Variants in MED27 observed in about 807,000 individuals in gnomAD.
The protein encoded by MED27 is mediator of RNA polymerase II transcription subunit 27.
A neutral mutation model predicts 38.2 loss-of-function variants in MED27; 30 were observed. That is an observed-to-expected ratio of 0.79 (90% CI 0.59 to 1.07). The LOEUF (loss-of-function observed/expected upper bound fraction) is 1.07, where lower values mean the gene tolerates loss of function less well. Among genes scored for constraint, MED27 ranks in the 50% least tolerant of loss-of-function variants. MED27 has a pLI of 0.00. For synonymous variants in MED27, 122 were observed against 153.5 expected (o/e 0.79, Z 1.52); for missense variants, 289 against 397.5 (o/e 0.73, Z 2.32).
At chr9:132,077,628 T>C in intron 1 of MED27, 42 bp from the exon 2 acceptor site, 1 of 1,611,132 alleles carries the variant, frequency 6.2e-7, no homozygotes, top group Middle Eastern at 1.7e-4. Flanking sequence ...TAAGCCCATT[T>C]ACACTCCAGG....
At chr9:132,041,735 CA>C (rs1264123604) in intron 2 of MED27, among the ~76,000 whole-genome samples, 2 of 152,138 alleles carry the variant, frequency 1.3e-5, no homozygotes, top group African/African-American at 2.4e-5. Context: ...TCTTAAGGGC[CA>C]AAGTCCAAAT....
intron 3 of MED27, among the ~76,000 whole-genome samples, chr9:131,975,780 G>A (rs1391772417): frequency 6.6e-6 from 1 of 152,198 alleles, no homozygotes; most frequent in East Asian, 1.9e-4. Flanking sequence ...GCAAAGAACA[G>A]GAACCCACTA....
At chr9:132,074,496 C>T (rs1589306168) in intron 2 of MED27, among the ~76,000 whole-genome samples, 2 of 152,268 alleles carry the variant, frequency 1.3e-5, no homozygotes, top group Non-Finnish European at 2.9e-5. Flanking sequence ...GGCAAGTTAC[C>T]CCAAACTTCA....
intron 3 of MED27, among the ~76,000 whole-genome samples, chr9:131,960,791 AGAGAT>A (rs1831199931): frequency 2.0e-5 from 3 of 152,204 alleles, no homozygotes; most frequent in African/African-American, 7.2e-5. Context: ...CCACAAAATA[AGAGAT>A]GAGATGACAC....
At chr9:131,890,246 G>A (rs758025054) in intron 5 of MED27, among the ~76,000 whole-genome samples, 37 of 152,282 alleles carry the variant, frequency 2.4e-4, no homozygotes, top group Non-Finnish European at 2.6e-4. Context: ...GCCAAATGTG[G>A]TCAGTGTGTC....
In MED27 at chr9:131,943,812, C is replaced by T. The variant is rs573881275; in HGVS notation, c.480-4338G>A. Among the ~76,000 whole-genome samples, 29 of 152,238 alleles carry T rather than the reference C, an allele frequency of 1.9e-4. No individual in the cohort carries two copies. In the East Asian group the frequency reaches 3.1e-3, roughly 16 times the overall value. Reference sequence around the variant, plus strand: ...TTCGAAAATGGAGAGCTGCTTGGTTCTCCTTTTTGAAGTATTTGGTCAATG... The same window carrying T: ...TTCGAAAATGGAGAGCTGCTTGGTTTTCCTTTTTGAAGTATTTGGTCAATG... On this transcript the variant is annotated intron_variant, in intron 3 of 7. Coordinates refer to ENST00000292035, the MANE Select transcript of MED27 (RefSeq NM_004269.4).
chr9:131,973,883 ATT>A (rs542563287), intron 3 of MED27, among the ~76,000 whole-genome samples: 5 of 132,796 alleles, frequency 3.8e-5, no homozygotes, highest in East Asian at 2.2e-4. Context: ...GATTTTTTCT[ATT>A]TTTTTTTTTT....
intron 3 of MED27, among the ~76,000 whole-genome samples, chr9:131,976,819 C>A (rs1831616630): frequency 6.6e-6 from 1 of 152,202 alleles, no homozygotes. Flanking sequence ...CTGGTCCTGT[C>A]TCTAATCTAC....
At position 132,027,234 on chromosome 9, in the gene MED27, C is replaced by T. The variant is rs115614027; in HGVS notation, c.349-12767G>A. On this transcript the variant is annotated intron_variant, in intron 2 of 7. Transcript: ENST00000292035. ...AACAAGCACAGTTGTGCTCTGGTTA[C>T]CCAGGTAGTAAGGGTCCACTCTGTG... Among the ~76,000 whole-genome samples, 221 of 152,320 alleles carry T rather than the reference C, an allele frequency of 1.5e-3. 1 individual carries two copies. The highest frequency in any genetic ancestry group is 5.2e-3 in the African/African-American group (215 of 41,564).
chr9:132,019,536 T>C (rs1832674866), intron 2 of MED27, among the ~76,000 whole-genome samples: 1 of 152,116 alleles, frequency 6.6e-6, no homozygotes, highest in Admixed American at 6.5e-5. Context: ...AAGGGGTCCA[T>C]AGGGACTGCC....
At chr9:131,891,031 ACT>A (rs1409062954) in intron 5 of MED27, among the ~76,000 whole-genome samples, 1 of 152,186 alleles carries the variant, frequency 6.6e-6, no homozygotes, top group Non-Finnish European at 1.5e-5. Flanking sequence ...AATGATGATA[ACT>A]CTGTGCTGTA....
intron 3 of MED27, among the ~76,000 whole-genome samples, chr9:132,010,898 G>C (rs1296077149): frequency 6.6e-6 from 1 of 152,180 alleles, no homozygotes; most frequent in African/African-American, 2.4e-5. Flanking sequence ...GGGCGAAGGG[G>C]GGAGGGATAG....
intron 3 of MED27, among the ~76,000 whole-genome samples, chr9:131,978,341 T>C (rs1440000153): frequency 6.6e-6 from 1 of 152,220 alleles, no homozygotes; most frequent in Non-Finnish European, 1.5e-5. Flanking sequence ...GTGGATTTTA[T>C]TTGGATCCCA....
chr9:131,982,662 C>T lies in MED27; in HGVS notation c.479+31675G>A, dbSNP rs1316473949. 2.0e-5 allele frequency among the ~76,000 whole-genome samples: 3 copies of T among 152,112 alleles called. No individual in the cohort carries two copies. The highest frequency in any genetic ancestry group is 7.2e-5 in the African/African-American group (3 of 41,400). On this transcript the variant is annotated intron_variant, in intron 3 of 7. Transcript: ENST00000292035. The surrounding 1 kb of genome is among the most constrained non-coding windows in gnomAD (Gnocchi z 4.3). ...CTACTGATGGGGAGGTGGATTTGAACCCAGTCGGTGGGACACTAGAGGTGG... is the reference window on the plus strand; with the variant it reads ...CTACTGATGGGGAGGTGGATTTGAATCCAGTCGGTGGGACACTAGAGGTGG...
intron 2 of MED27, among the ~76,000 whole-genome samples, chr9:132,041,165 C>T (rs1833201358): frequency 6.6e-6 from 1 of 152,180 alleles, no homozygotes; most frequent in Non-Finnish European, 1.5e-5. Context: ...TCAACAACTG[C>T]CTCTGTGTCC....
intron 5 of MED27, among the ~76,000 whole-genome samples, chr9:131,884,994 T>C (rs1443040767): frequency 2.0e-5 from 3 of 152,284 alleles, no homozygotes; most frequent in African/African-American, 7.2e-5. Flanking sequence ...GTTTCCTGCC[T>C]GACTTGCCCA....
At chr9:131,925,249 A>T (rs1830462276) in intron 4 of MED27, among the ~76,000 whole-genome samples, 1 of 152,156 alleles carries the variant, frequency 6.6e-6, no homozygotes, top group Non-Finnish European at 1.5e-5. Context: ...TTTTATTCTT[A>T]TTTTTTTGTG....
chr9:131,875,895 C>A (rs1369625706), intron 6 of MED27, among the ~76,000 whole-genome samples: 11 of 152,216 alleles, frequency 7.2e-5, no homozygotes, highest in Non-Finnish European at 1.6e-4. Flanking sequence ...CAGGCATGAC[C>A]CACGCGCCCG....
intron 2 of MED27, among the ~76,000 whole-genome samples, chr9:132,033,938 T>C (rs1833018316): frequency 6.6e-6 from 1 of 152,256 alleles, no homozygotes; most frequent in Non-Finnish European, 1.5e-5. Flanking sequence ...ACACTTTCAA[T>C]TTGAGATTTT....
Sources: allele counts gnomAD v4.1 joint callset (sites outside exome capture counted in the v4.1 genomes callset), GRCh38; gene constraint gnomAD v4.1.1; non-coding constraint Gnocchi (gnomAD v3.1); transcripts MANE v1.5; gene names NCBI Gene and HGNC (gene_info 2026-07-23, HGNC 2026-07-21).